The following UBE4B variants were observed in gnomAD, a reference collection of about 807,000 sequenced individuals.
UBE4B encodes the protein ubiquitin conjugation factor E4 B.
UBE4B carries 27 observed loss-of-function variants against 148.1 expected under a neutral mutation model. The observed-to-expected ratio is 0.18, with a 90% CI of 0.13 to 0.25. The LOEUF (loss-of-function observed/expected upper bound fraction) is 0.25, where lower values mean the gene tolerates loss of function less well. UBE4B is among the 10% of genes least tolerant of loss of function. The probability of loss-of-function intolerance (pLI) is 1.00; values close to 1 mark genes in which losing one functional copy is unlikely to be tolerated. For synonymous variants in UBE4B, 596 were observed against 619.3 expected (o/e 0.96, Z 0.56); for missense variants, 1,170 against 1,662.4 (o/e 0.70, Z 5.15).
intron 24 of UBE4B, 39 bp from the exon 25 acceptor site, chr1:10,171,099 C>T: frequency 6.3e-7 from 1 of 1,587,334 alleles, no homozygotes; most frequent in Non-Finnish European, 8.6e-7. Context: ...TCACTTGTCT[C>T]AACAGCATGA....
intron 19 of UBE4B, among the ~76,000 whole-genome samples, chr1:10,147,725 C>G (rs1012957859): frequency 6.6e-6 from 1 of 152,140 alleles, no homozygotes; most frequent in Non-Finnish European, 1.5e-5. Flanking sequence ...TTAGGCCCTC[C>G]TAAGCACTGG....
At chr1:10,070,276 GA>G (rs60259277) in intron 1 of UBE4B, among the ~76,000 whole-genome samples, 3,684 of 131,132 alleles carry the variant, frequency 0.028, 138 homozygotes, top group African/African-American at 0.093. Context: ...CTCCGTCTCA[GA>G]AAAAAAAAAA....
intron 7 of UBE4B, among the ~76,000 whole-genome samples, chr1:10,116,577 C>T (rs150230101): frequency 6.6e-6 from 1 of 152,060 alleles, no homozygotes; most frequent in Non-Finnish European, 1.5e-5. Flanking sequence ...ATATCAAATC[C>T]GTTTGTGAGT....
intron 21 of UBE4B, 82 bp downstream of exon 21, chr1:10,151,643 A>C (rs1645977338): frequency 8.2e-7 from 1 of 1,216,664 alleles, no homozygotes; most frequent in African/African-American, 1.5e-5. Context: ...CGTTGCTCTA[A>C]GCCTGTTACC....
chr1:10,167,480 A>C (rs2102023778), intron 23 of UBE4B, among the ~76,000 whole-genome samples: 1 of 140,562 alleles, frequency 7.1e-6, no homozygotes, highest in East Asian at 1.9e-4. Context: ...ATAATGACTA[A>C]GTAAAAGTTA....
intron 2 of UBE4B, among the ~76,000 whole-genome samples, chr1:10,086,755 C>T (rs1644772211): frequency 6.6e-6 from 1 of 151,896 alleles, no homozygotes; most frequent in African/African-American, 2.4e-5. Context: ...AGTGCAGTGG[C>T]ATGATCTCAC....
chr1:10,148,435 C>T (rs1645914187), intron 19 of UBE4B, among the ~76,000 whole-genome samples: 1 of 151,752 alleles, frequency 6.6e-6, no homozygotes, highest in Non-Finnish European at 1.5e-5. Context: ...AGTTCGAGAC[C>T]ATCCTGGCCA....
rs77385930 is a variant in UBE4B at position 10,069,294 on chromosome 1, T to C, written c.25-2734T>C. 6.6e-3 allele frequency among the ~76,000 whole-genome samples: 1,005 copies of C among 152,328 alleles called. 11 individuals are homozygous for C. The highest frequency in any genetic ancestry group is 0.023 in the African/African-American group (945 of 41,566). On this transcript the variant is annotated intron_variant, in intron 1 of 27. Coordinates refer to ENST00000343090, the MANE Select transcript of UBE4B (RefSeq NM_001105562.3). ...TTTTATGTTCAGTGCATTTTTCTAG[T>C]ATTTCTCATTTATTCAGCAGATATT...
At chr1:10,119,680 C>T (rs1035673770) in intron 9 of UBE4B, 67 bp downstream of exon 9, 25 of 1,439,720 alleles carry the variant, frequency 1.7e-5, no homozygotes, top group Non-Finnish European at 2.2e-5. Flanking sequence ...GGACATCAGG[C>T]TCTCTGGCCA....
chr1:10,036,550 G>A (rs929095211), intron 1 of UBE4B, among the ~76,000 whole-genome samples: 1 of 151,452 alleles, frequency 6.6e-6, no homozygotes, highest in African/African-American at 2.4e-5. Flanking sequence ...TCCCAGGATG[G>A]TCTCAAACTC....
At chr1:10,150,323 G>A (rs76556449) in intron 20 of UBE4B, among the ~76,000 whole-genome samples, 2,162 of 152,164 alleles carry the variant, frequency 0.014, 25 homozygotes, top group Non-Finnish European at 0.021. Context: ...TGGAATTTAA[G>A]CAACTCAAGT....
At chr1:10,039,400 T>C (rs1031701541) in intron 1 of UBE4B, among the ~76,000 whole-genome samples, 1 of 152,062 alleles carries the variant, frequency 6.6e-6, no homozygotes, top group Non-Finnish European at 1.5e-5. Context: ...CTTGGAGGGC[T>C]GTCAGAAACG....
intron 2 of UBE4B, 106 bp downstream of exon 2, chr1:10,072,320 A>G: frequency 7.5e-7 from 1 of 1,333,598 alleles, no homozygotes. Context: ...AGCAGACATC[A>G]GCTCTTTAAA....
Position 10,147,029 on chromosome 1 carries a change from C to G in UBE4B, c.2530C>G (p.Leu844Val), listed in dbSNP as rs763653818. 1.2e-6 allele frequency: 2 copies of G among 1,614,138 alleles called. No individual in the cohort carries two copies. Among genetic ancestry groups the G allele is most frequent in the East Asian group, 2.2e-5 (1 of 44,878 alleles). ...LLDESFLRRC[L>V]NFYGLLIQLL... ...TGACGAGAGCTTCCTGAGAAGATGT[C>G]TGAATTTTTATGGCCTTCTCATTCA... Residue 844 changes from leucine to valine, a missense_variant, in exon 19 of 28, where the codon CTG becomes GTG. Transcript: ENST00000343090.
At chr1:10,136,992 T>G (rs1430666550) in intron 16 of UBE4B, 75 bp from the exon 17 acceptor site, 2 of 1,463,102 alleles carry the variant, frequency 1.4e-6, no homozygotes, top group Non-Finnish European at 1.9e-6. Flanking sequence ...TGTAATTTTC[T>G]CTTCTGAATT....
At chr1:10,123,094 T>C (rs1484600707) in intron 10 of UBE4B, among the ~76,000 whole-genome samples, 1 of 152,132 alleles carries the variant, frequency 6.6e-6, no homozygotes, top group Admixed American at 6.6e-5. Flanking sequence ...GGCAACATAG[T>C]GAGCTTTTCT....
Position 10,126,995 on chromosome 1 carries a change from G to A in UBE4B, c.1638+118G>A, listed in dbSNP as rs1241400479. The A allele has an allele frequency of 9.9e-6, 9 of 904,698 alleles. No individual in the cohort carries two copies. In the Admixed American group the frequency reaches 1.3e-4, roughly 13 times the overall value. The allele number at this position is 904,698 out of a possible 1,614,324, so 56.0% of individuals were successfully genotyped here. A position where few individuals can be genotyped will look rare whatever the true frequency, so the allele number is the denominator to read the frequency against. On this transcript the variant is annotated intron_variant, in intron 11 of 27. Transcript: ENST00000343090. ...AACCTTGTTTTCAAATTTAAAACATGAAATCACTGTGTTGGCCATGCAGAG... is the reference window on the plus strand; with the variant it reads ...AACCTTGTTTTCAAATTTAAAACATAAAATCACTGTGTTGGCCATGCAGAG...
At chr1:10,051,346 T>C (rs1034090738) in intron 1 of UBE4B, among the ~76,000 whole-genome samples, 3 of 152,288 alleles carry the variant, frequency 2.0e-5, no homozygotes, top group African/African-American at 7.2e-5. Flanking sequence ...CCTGGCCGAG[T>C]GGATTCTTGG....
chr1:10,114,243 G>T (rs1443849387), intron 7 of UBE4B, among the ~76,000 whole-genome samples: 1 of 152,144 alleles, frequency 6.6e-6, no homozygotes, highest in Admixed American at 6.5e-5. Flanking sequence ...ACCCTCAATT[G>T]TGTGTAGGTA....
Sources: allele counts gnomAD v4.1 joint callset (sites outside exome capture counted in the v4.1 genomes callset), GRCh38; gene constraint gnomAD v4.1.1; transcripts MANE v1.5; gene names NCBI Gene and HGNC (gene_info 2026-07-23, HGNC 2026-07-21).